The following RAB7A variants were observed in gnomAD, a reference collection of about 807,000 sequenced individuals.
RAB7A encodes ras-related protein Rab-7a.
Under a neutral mutation model 24.5 loss-of-function variants are expected in RAB7A, and 2 were observed. The ratio of observed to expected loss-of-function variants is 0.08; its 90% CI spans 0.03 to 0.26. The LOEUF (loss-of-function observed/expected upper bound fraction) is 0.26. Ranked by LOEUF, RAB7A falls within the 10% of genes least tolerant of loss-of-function variation. The pLI is 1.00. For synonymous variants in RAB7A, 100 were observed against 95.9 expected (o/e 1.04, Z -0.25); for missense variants, 118 against 255.7 (o/e 0.46, Z 3.67).
intron 1 of RAB7A, among the ~76,000 whole-genome samples, chr3:128,766,603 A>G (rs1180906558): frequency 6.6e-6 from 1 of 152,350 alleles, no homozygotes; most frequent in East Asian, 1.9e-4. Context: ...AGCAGATCCC[A>G]TAGGAATGGT....
intron 1 of RAB7A, among the ~76,000 whole-genome samples, chr3:128,733,756 T>C (rs1260979292): frequency 6.6e-6 from 1 of 152,218 alleles, no homozygotes; most frequent in African/African-American, 2.4e-5. Context: ...TTAAAGGCCC[T>C]GTCTGCAAAT....
intron 1 of RAB7A, among the ~76,000 whole-genome samples, chr3:128,765,580 C>T (rs1576284375): frequency 6.6e-6 from 1 of 152,124 alleles, no homozygotes. Context: ...ATTATCAGGG[C>T]TCCAATAGAT....
intron 1 of RAB7A, among the ~76,000 whole-genome samples, chr3:128,727,462 G>C (rs543712885): frequency 6.6e-6 from 1 of 152,198 alleles, no homozygotes; most frequent in South Asian, 2.1e-4. Flanking sequence ...TCTTTCTATT[G>C]ATGTCATTTG....
chr3:128,766,785 C>T (rs1253219768), intron 1 of RAB7A, among the ~76,000 whole-genome samples: 2 of 152,038 alleles, frequency 1.3e-5, no homozygotes, highest in African/African-American at 4.8e-5. Context: ...AGCAATCCAC[C>T]CACCTCAGCC....
At chr3:128,769,389 A>G (rs2107600023) in intron 1 of RAB7A, among the ~76,000 whole-genome samples, 1 of 152,260 alleles carries the variant, frequency 6.6e-6, no homozygotes, top group South Asian at 2.1e-4. Context: ...GTATTTCCCT[A>G]AAGATTAGCA....
chr3:128,765,274 C>T (rs1442909838), intron 1 of RAB7A, among the ~76,000 whole-genome samples: 1 of 152,166 alleles, frequency 6.6e-6, no homozygotes, highest in East Asian at 1.9e-4. Context: ...GTACCCTCGC[C>T]TTTTCTACCT....
At chr3:128,782,123 G>A (rs1576292769) in intron 1 of RAB7A, among the ~76,000 whole-genome samples, 3 of 152,304 alleles carry the variant, frequency 2.0e-5, no homozygotes, top group East Asian at 1.9e-4. Flanking sequence ...ATAATTAGCA[G>A]TCTTCCTGAG....
intron 1 of RAB7A, among the ~76,000 whole-genome samples, chr3:128,777,262 C>G (rs1366507558): frequency 6.6e-6 from 1 of 152,090 alleles, no homozygotes; most frequent in Admixed American, 6.6e-5. Context: ...TATATGATCA[C>G]TGCTCGCTAC....
chr3:128,803,577 C>T (rs1933741671), intron 3 of RAB7A, among the ~76,000 whole-genome samples: 1 of 152,188 alleles, frequency 6.6e-6, no homozygotes, highest in Non-Finnish European at 1.5e-5. Context: ...AGAAACTTAT[C>T]TCTGGACATT....
intron 1 of RAB7A, among the ~76,000 whole-genome samples, chr3:128,726,943 CAG>C (rs1050229125): frequency 6.6e-6 from 1 of 152,238 alleles, no homozygotes; most frequent in Non-Finnish European, 1.5e-5. Context: ...CGCTGGGAGA[CAG>C]GGAGCTTTTT....
intron 1 of RAB7A, among the ~76,000 whole-genome samples, chr3:128,739,588 G>A (rs1005538625): frequency 2.0e-5 from 3 of 151,364 alleles, no homozygotes; most frequent in Non-Finnish European, 4.4e-5. Context: ...AATTCAAAAC[G>A]TTTATTTTTT....
intron 1 of RAB7A, among the ~76,000 whole-genome samples, chr3:128,740,465 A>G (rs1405468642): frequency 2.0e-5 from 3 of 152,244 alleles, no homozygotes; most frequent in Non-Finnish European, 4.4e-5. Flanking sequence ...ATTGCCATAT[A>G]GCCTTCAGGA....
In RAB7A at chr3:128,763,188, T is replaced by TTATATATATATA. The variant is rs765866649; in HGVS notation, c.-8-32162_-8-32151dup. Among the ~76,000 whole-genome samples, 51 of 82,104 alleles carry TTATATATATATA rather than the reference T, an allele frequency of 6.2e-4. 1 individual carries two copies. Among genetic ancestry groups the TTATATATATATA allele is most frequent in the African/African-American group, 2.0e-3 (41 of 20,522 alleles). The allele number at this position is 82,104 out of a possible 152,430, so 53.9% of individuals were successfully genotyped here. On this transcript the variant is annotated intron_variant, in intron 1 of 5. Coordinates refer to ENST00000265062, the MANE Select transcript of RAB7A (RefSeq NM_004637.6). ...GTCTAAAGGCTTGAGTACATTTAGC[T>TTATATATATATA]TATATATATATATATATATATTTTT...
intron 3 of RAB7A, among the ~76,000 whole-genome samples, chr3:128,802,796 C>T (rs1315454958): frequency 1.0e-4 from 15 of 148,646 alleles, no homozygotes; most frequent in African/African-American, 3.5e-4. Context: ...CGTGAGCTAC[C>T]ACACCCAGCC....
chr3:128,773,078 G>GC (rs1932992368), intron 1 of RAB7A, among the ~76,000 whole-genome samples: 1 of 151,900 alleles, frequency 6.6e-6, no homozygotes, highest in African/African-American at 2.4e-5. Flanking sequence ...GAGCCCCTCT[G>GC]CCCGGCTGCC....
intron 1 of RAB7A, among the ~76,000 whole-genome samples, chr3:128,751,891 A>G (rs2070684714): frequency 6.6e-6 from 1 of 152,180 alleles, no homozygotes; most frequent in Non-Finnish European, 1.5e-5. Context: ...TTCTCGAGTT[A>G]GGGAATAAGT....
chr3:128,746,656 G>A (rs1244952328), intron 1 of RAB7A, among the ~76,000 whole-genome samples: 1 of 152,092 alleles, frequency 6.6e-6, no homozygotes, highest in Non-Finnish European at 1.5e-5. Context: ...AGCCTCCCGA[G>A]TAGCTGGGAC....
At chr3:128,788,317 C>T (rs554985522) in intron 1 of RAB7A, among the ~76,000 whole-genome samples, 120 of 151,982 alleles carry the variant, frequency 7.9e-4, no homozygotes, top group Admixed American at 2.0e-3. Flanking sequence ...AATTGTATGC[C>T]GAGGTTGCTA....
intron 3 of RAB7A, chr3:128,798,529 T>A (rs529012740): frequency 1.1e-5 from 2 of 174,928 alleles, no homozygotes; most frequent in Non-Finnish European, 2.5e-5. Context: ...GAGCCAATCT[T>A]TTTTTTATGT....
Sources: allele counts gnomAD v4.1 joint callset (sites outside exome capture counted in the v4.1 genomes callset), GRCh38; gene constraint gnomAD v4.1.1; transcripts MANE v1.5; gene names NCBI Gene and HGNC (gene_info 2026-07-23, HGNC 2026-07-21).